The following DLC1 variants were observed in gnomAD, a reference collection of about 807,000 sequenced individuals.
The protein encoded by DLC1 is DLC1 Rho GTPase activating protein.
DLC1 carries 54 observed loss-of-function variants against 140.3 expected under a neutral mutation model. That is an observed-to-expected ratio of 0.38 (90% CI 0.31 to 0.48). The LOEUF (loss-of-function observed/expected upper bound fraction) is 0.48, where lower values mean the gene tolerates loss of function less well. Among genes scored for constraint, DLC1 ranks in the 20% least tolerant of loss-of-function variants. DLC1 has a pLI of 0.96. For synonymous variants in DLC1, 986 were observed against 728.1 expected, an observed-to-expected ratio of 1.35 and a Z score of -5.70; for missense variants, 2,536 against 1,907.0, an observed-to-expected ratio of 1.33 and a Z score of -6.14.
chr8:13,454,343 A>T (rs1799294283), intron 2 of DLC1, among the ~76,000 whole-genome samples: 1 of 152,208 alleles, frequency 6.6e-6, no homozygotes, highest in African/African-American at 2.4e-5. Flanking sequence ...GGGGAAAAAA[A>T]AAGTTCCTGT....
At chr8:13,192,036 G>T (rs1463279483) in intron 5 of DLC1, among the ~76,000 whole-genome samples, 1 of 151,524 alleles carries the variant, frequency 6.6e-6, no homozygotes, top group Non-Finnish European at 1.5e-5. Context: ...CTGCCTCCCG[G>T]GTTCCAGAGG....
intron 7 of DLC1, among the ~76,000 whole-genome samples, chr8:13,106,380 C>T (rs1356022576): frequency 6.6e-6 from 1 of 152,150 alleles, no homozygotes; most frequent in Non-Finnish European, 1.5e-5. Context: ...CTTTTTGAGA[C>T]AGGGTCACTC....
chr8:13,144,903 A>G (rs1315956076), intron 5 of DLC1, among the ~76,000 whole-genome samples: 2 of 152,254 alleles, frequency 1.3e-5, no homozygotes, highest in African/African-American at 4.8e-5. Flanking sequence ...GTAAACACTC[A>G]GATCCATGAG....
intron 4 of DLC1, among the ~76,000 whole-genome samples, chr8:13,346,764 C>G (rs1171929271): frequency 6.6e-6 from 1 of 152,172 alleles, no homozygotes; most frequent in African/African-American, 2.4e-5. Flanking sequence ...GTTATTGGCT[C>G]TCTTGCTTCC....
intron 5 of DLC1, 59 bp downstream of exon 5, chr8:13,305,210 A>G: frequency 1.3e-6 from 2 of 1,592,294 alleles, no homozygotes; most frequent in South Asian, 1.2e-5. Flanking sequence ...TGCCTATTTT[A>G]AGGTGAAATT....
rs553548313 is a variant in DLC1 at position 13,315,959 on chromosome 8, C to T, written c.1315-10657G>A. Among the ~76,000 whole-genome samples, 20 of 152,266 alleles carry T rather than the reference C, an allele frequency of 1.3e-4. 1 individual carries two copies. Among genetic ancestry groups the T allele is most frequent in the Admixed American group, 8.5e-4 (13 of 15,296 alleles). On this transcript the variant is annotated intron_variant, in intron 4 of 17. Coordinates refer to ENST00000276297, the MANE Select transcript of DLC1 (RefSeq NM_182643.3). ...TTATATGAGATGCATGTGCAGAGAA[C>T]GAAGTTCTTGCTTTAATATAGGGTT...
intron 2 of DLC1, among the ~76,000 whole-genome samples, chr8:13,417,337 CT>C (rs1322634400): frequency 2.6e-5 from 4 of 151,650 alleles, no homozygotes; most frequent in African/African-American, 4.8e-5. Flanking sequence ...TTAGGTATAT[CT>C]CCTAATGCTA....
At chr8:13,180,235 C>G (rs1221170931) in intron 5 of DLC1, among the ~76,000 whole-genome samples, 1 of 152,168 alleles carries the variant, frequency 6.6e-6, no homozygotes, top group Non-Finnish European at 1.5e-5. Context: ...TTCGTCTTTA[C>G]TGCTGTTAAA....
chr8:13,449,209 G>T (rs1441873409), intron 2 of DLC1, among the ~76,000 whole-genome samples: 1 of 152,148 alleles, frequency 6.6e-6, no homozygotes, highest in Non-Finnish European at 1.5e-5. Flanking sequence ...TAAATATATT[G>T]TTGGACTTGA....
intron 5 of DLC1, among the ~76,000 whole-genome samples, chr8:13,223,603 A>G (rs1385668400): frequency 6.6e-6 from 1 of 152,234 alleles, no homozygotes; most frequent in East Asian, 1.9e-4. Context: ...ATTAATTGGT[A>G]TAAAAACATT....
chr8:13,508,473 A>C (rs1489159888), intron 1 of DLC1, among the ~76,000 whole-genome samples: 1 of 148,246 alleles, frequency 6.7e-6, no homozygotes, highest in Non-Finnish European at 1.5e-5. Flanking sequence ...GCTGGAGTGC[A>C]GTGGCGCGAT....
At chr8:13,482,717 CAGTG>C in intron 2 of DLC1, among the ~76,000 whole-genome samples, 2 of 152,132 alleles carry the variant, frequency 1.3e-5, no homozygotes, top group Non-Finnish European at 2.9e-5. Context: ...AACAGAGAGA[CAGTG>C]AGAGAATAGG....
intron 1 of DLC1, among the ~76,000 whole-genome samples, chr8:13,561,982 A>T (rs1461494684): frequency 6.6e-6 from 1 of 152,144 alleles, no homozygotes; most frequent in Non-Finnish European, 1.5e-5. Flanking sequence ...CACAGGAAAA[A>T]AATCAATGGA....
At chr8:13,219,331 A>C (rs1443110526) in intron 5 of DLC1, among the ~76,000 whole-genome samples, 1 of 121,412 alleles carries the variant, frequency 8.2e-6, no homozygotes, top group Non-Finnish European at 1.7e-5. Context: ...TATTCATATA[A>C]TTATAATTAT....
chr8:13,355,481 A>G (rs948854664), intron 4 of DLC1, among the ~76,000 whole-genome samples: 1 of 152,214 alleles, frequency 6.6e-6, no homozygotes, highest in African/African-American at 2.4e-5. Flanking sequence ...AAGGTCTGGC[A>G]GGGTTCTGCT....
chr8:13,508,820 A>T (rs1196800589), intron 1 of DLC1, among the ~76,000 whole-genome samples: 1 of 152,148 alleles, frequency 6.6e-6, no homozygotes, highest in Non-Finnish European at 1.5e-5. Flanking sequence ...TCCTATGCAG[A>T]ATAATTTGGG....
upstream of DLC1, among the ~76,000 whole-genome samples, chr8:13,518,564 T>C (rs967605640): frequency 1.3e-5 from 2 of 152,272 alleles, no homozygotes; most frequent in African/African-American, 4.8e-5. Context: ...GAACATTTTA[T>C]GTAAAGCAAG....
At chr8:13,292,595 T>C (rs368917065) in intron 5 of DLC1, among the ~76,000 whole-genome samples, 1 of 152,092 alleles carries the variant, frequency 6.6e-6, no homozygotes, top group Non-Finnish European at 1.5e-5. Flanking sequence ...ATCATTGCAG[T>C]TGGGGTGCAG....
intron 5 of DLC1, among the ~76,000 whole-genome samples, chr8:13,228,648 G>C (rs1828907602): frequency 6.6e-6 from 1 of 152,206 alleles, no homozygotes; most frequent in African/African-American, 2.4e-5. Flanking sequence ...TACTAGGGAG[G>C]CTGAGGCAAG....
Sources: allele counts gnomAD v4.1 joint callset (sites outside exome capture counted in the v4.1 genomes callset), GRCh38; gene constraint gnomAD v4.1.1; transcripts MANE v1.5; gene names NCBI Gene and HGNC (gene_info 2026-07-23, HGNC 2026-07-21).